The following C12orf42 variants were observed in gnomAD, a reference collection of about 807,000 sequenced individuals.
C12orf42 encodes chromosome 12 open reading frame 42.
A neutral mutation model predicts 21.6 loss-of-function variants in C12orf42; 25 were observed. That is an observed-to-expected ratio of 1.16 (90% CI 0.84 to 1.62). The LOEUF (loss-of-function observed/expected upper bound fraction) is 1.62. Among genes scored for constraint, C12orf42 ranks in the 40% most tolerant of loss-of-function variants. The pLI is 0.00. For missense variants in C12orf42, 483 were observed against 459.3 expected (o/e 1.05, Z -0.47); for synonymous variants, 174 against 175.0 (o/e 0.99, Z 0.05).
At chr12:103,423,502 C>A (rs1475525564) in intron 2 of C12orf42, among the ~76,000 whole-genome samples, 1 of 152,176 alleles carries the variant, frequency 6.6e-6, no homozygotes, top group Non-Finnish European at 1.5e-5. Context: ...CCACCCCATC[C>A]CCTACTCTTT....
the C12orf42 span, chr12:103,549,613 T>C: frequency 1.3e-5 from 2 of 152,158 alleles, no homozygotes; most frequent in African/African-American, 4.8e-5. Flanking sequence ...GGAAGAAGAA[T>C]TTATCAAACA....
chr12:103,393,241 T>A (rs35045561), intron 3 of C12orf42, among the ~76,000 whole-genome samples: 24,217 of 152,110 alleles, frequency 0.16, 2,089 homozygotes, highest in African/African-American at 0.23. Context: ...CAGCTACTGA[T>A]GAGAGCTTCT....
chr12:103,390,354 G>A (rs1416930821), intron 3 of C12orf42, among the ~76,000 whole-genome samples: 2 of 152,088 alleles, frequency 1.3e-5, no homozygotes, highest in Non-Finnish European at 2.9e-5. Flanking sequence ...ATAATTAACG[G>A]ATATTACGTA....
chr12:103,496,852 G>A (rs918561582), upstream of C12orf42, among the ~76,000 whole-genome samples: 1 of 129,466 alleles, frequency 7.7e-6, no homozygotes, highest in Admixed American at 1.0e-4. Context: ...AAAGACTCTT[G>A]AGTCTTGTTA....
the C12orf42 span, among the ~76,000 whole-genome samples, chr12:103,156,836 T>C: frequency 2.6e-5 from 4 of 152,218 alleles, no homozygotes; most frequent in South Asian, 6.2e-4. Flanking sequence ...TAGTATTCCA[T>C]GGTGTATATA....
chr12:103,530,055 T>C, the C12orf42 span, among the ~76,000 whole-genome samples: 1 of 152,202 alleles, frequency 6.6e-6, no homozygotes, highest in Non-Finnish European at 1.5e-5. Flanking sequence ...TGACTTGACT[T>C]TAGGCTTTGA....
At chr12:103,541,680 A>G in the C12orf42 span, among the ~76,000 whole-genome samples, 2 of 152,182 alleles carry the variant, frequency 1.3e-5, no homozygotes, top group African/African-American at 4.8e-5. Flanking sequence ...GTTTACTGTG[A>G]AACAGTATTC....
intron 4 of C12orf42, among the ~76,000 whole-genome samples, chr12:103,322,186 T>C (rs1268610563): frequency 6.6e-6 from 1 of 151,930 alleles, no homozygotes; most frequent in Non-Finnish European, 1.5e-5. Flanking sequence ...CCAATGATCC[T>C]ACTACTCTAA....
At chr12:103,271,931 A>T (rs540695493) in intron 5 of C12orf42, among the ~76,000 whole-genome samples, 1 of 152,316 alleles carries the variant, frequency 6.6e-6, no homozygotes, top group Admixed American at 6.5e-5. Flanking sequence ...AGTATGTGCT[A>T]ACAATGTAAC....
chr12:103,128,443 T>C, the C12orf42 span, among the ~76,000 whole-genome samples: 7 of 152,304 alleles, frequency 4.6e-5, no homozygotes, highest in Admixed American at 3.9e-4. Flanking sequence ...GTTAGAGAAG[T>C]GGGTTTAAAG....
intron 2 of C12orf42, among the ~76,000 whole-genome samples, chr12:103,403,244 C>T (rs1261186523): frequency 3.3e-5 from 5 of 151,948 alleles, no homozygotes; most frequent in South Asian, 2.1e-4. Flanking sequence ...GGAGTGGTGG[C>T]GGGCGCCTGT....
intron 4 of C12orf42, among the ~76,000 whole-genome samples, chr12:103,360,111 T>C (rs745483135): frequency 1.3e-5 from 2 of 149,638 alleles, no homozygotes; most frequent in Non-Finnish European, 3.0e-5. Context: ...TGCTGCTAGA[T>C]ATGATCAAAT....
chr12:103,095,061 C>T, the C12orf42 span, among the ~76,000 whole-genome samples: 1 of 152,272 alleles, frequency 6.6e-6, no homozygotes, highest in Non-Finnish European at 1.5e-5. Flanking sequence ...ATTGGAAAAT[C>T]CCGCCAGCGT....
chr12:103,228,499 A>G, the C12orf42 span, among the ~76,000 whole-genome samples: 1 of 152,216 alleles, frequency 6.6e-6, no homozygotes, highest in East Asian at 1.9e-4. Context: ...CCATCTGGGC[A>G]TATACGTGCA....
chr12:103,278,640 A>G (rs1238283534), intron 4 of C12orf42, among the ~76,000 whole-genome samples: 6 of 152,234 alleles, frequency 3.9e-5, no homozygotes, highest in Non-Finnish European at 8.8e-5. Context: ...TGCTGACGTG[A>G]AACAGCAGGC....
At chr12:103,089,885 G>A in the C12orf42 span, among the ~76,000 whole-genome samples, 1 of 152,068 alleles carries the variant, frequency 6.6e-6, no homozygotes, top group Non-Finnish European at 1.5e-5. Context: ...CAGTATTTTT[G>A]GAATTGAAAG....
intron 10 of C12orf42, chr12:103,263,306 A>G (rs903980154): frequency 6.6e-6 from 1 of 152,164 alleles, no homozygotes. Context: ...ATAATAAAAA[A>G]TAAAAATAAA....
At chr12:103,103,893 C>A in the C12orf42 span, among the ~76,000 whole-genome samples, 2 of 151,908 alleles carry the variant, frequency 1.3e-5, no homozygotes, top group African/African-American at 4.8e-5. Context: ...CTCCGCCTCC[C>A]AGGTTCAAGC....
intron 3 of C12orf42, among the ~76,000 whole-genome samples, chr12:103,376,375 G>A (rs1158309054): frequency 6.6e-6 from 1 of 152,016 alleles, no homozygotes; most frequent in Non-Finnish European, 1.5e-5. Context: ...ACGGACGCAG[G>A]GAGGGGAACA....
Sources: allele counts gnomAD v4.1 joint callset (sites outside exome capture counted in the v4.1 genomes callset), GRCh38; gene constraint gnomAD v4.1.1; transcripts MANE v1.5; gene names NCBI Gene and HGNC (gene_info 2026-07-23, HGNC 2026-07-21).